Variants in NEBL observed in about 807,000 individuals in gnomAD.
NEBL encodes the protein nebulette, also known as LIM and SH3 protein 2.
Under a neutral mutation model 140.2 loss-of-function variants are expected in NEBL, and 122 were observed. That is an observed-to-expected ratio of 0.87 (90% CI 0.75 to 1.01). NEBL has a LOEUF of 1.01. NEBL is among the 50% of genes least tolerant of loss of function. The pLI, the probability that NEBL is intolerant of heterozygous loss-of-function variation, is 0.00. For synonymous variants in NEBL, 436 were observed against 398.9 expected (o/e 1.09, Z -1.11); for missense variants, 1,365 against 1,231.3 (o/e 1.11, Z -1.62).
intron 1 of NEBL, among the ~76,000 whole-genome samples, chr10:21,275,127 T>G (rs906249873): frequency 6.6e-6 from 1 of 152,130 alleles, no homozygotes; most frequent in Non-Finnish European, 1.5e-5. Flanking sequence ...TCAGATGAGA[T>G]GCCCACCCCA....
intron 2 of NEBL, among the ~76,000 whole-genome samples, chr10:21,043,815 T>A (rs944784360): frequency 6.6e-5 from 10 of 152,232 alleles, no homozygotes; most frequent in African/African-American, 2.2e-4. Flanking sequence ...TGCATCAGAC[T>A]ATGTAACCAT....
chr10:21,208,495 T>C (rs1841865786), intron 3 of NEBL, among the ~76,000 whole-genome samples: 1 of 152,154 alleles, frequency 6.6e-6, no homozygotes, highest in Non-Finnish European at 1.5e-5. Context: ...TTTGTTTCTC[T>C]CCCTCCCTCC....
At chr10:20,875,771 G>A (rs1026892686) in intron 5 of NEBL, among the ~76,000 whole-genome samples, 5 of 151,968 alleles carry the variant, frequency 3.3e-5, no homozygotes, top group African/African-American at 9.7e-5. Flanking sequence ...AAGTCTGCAT[G>A]GGCAGACAGA....
At chr10:21,130,396 A>C (rs1216944282) in intron 2 of NEBL, among the ~76,000 whole-genome samples, 1 of 152,142 alleles carries the variant, frequency 6.6e-6, no homozygotes, top group Non-Finnish European at 1.5e-5. Context: ...AGCATCAATC[A>C]ACAGCATATC....
rs186944026 is a variant in NEBL, at chr10:21,127,747, A to T, written c.164+44636T>A. On this transcript the variant is annotated intron_variant, in intron 2 of 6. Coordinates refer to the NEBL transcript ENST00000417816. Reference sequence around the variant, plus strand: ...TCTGCAACAAATAAAGGGAATTAAAAGGGGGAAAGGAGTGGAAGGGGACTA... The same window carrying T: ...TCTGCAACAAATAAAGGGAATTAAATGGGGGAAAGGAGTGGAAGGGGACTA... Among the ~76,000 whole-genome samples, 343 of 150,736 alleles carry T rather than the reference A, an allele frequency of 2.3e-3. 15 individuals are homozygous for T. The East Asian group carries it at 0.059, about 26-fold the overall frequency.
At chr10:20,905,955 T>G (rs1447175358) in intron 4 of NEBL, among the ~76,000 whole-genome samples, 1 of 152,204 alleles carries the variant, frequency 6.6e-6, no homozygotes, top group East Asian at 1.9e-4. Flanking sequence ...GAAGCAGCAC[T>G]ACCACAGCTT....
chr10:20,832,623 T>C (rs914907647), intron 14 of NEBL, among the ~76,000 whole-genome samples: 2 of 152,230 alleles, frequency 1.3e-5, no homozygotes, highest in Admixed American at 6.5e-5. Flanking sequence ...AAAAAAACTA[T>C]TAACTATAGC....
intron 26 of NEBL, among the ~76,000 whole-genome samples, chr10:20,797,315 T>C (rs571373221): frequency 6.6e-6 from 1 of 152,346 alleles, no homozygotes; most frequent in African/African-American, 2.4e-5. Flanking sequence ...TTTTAAAGAC[T>C]TAAAATGGCA....
chr10:21,045,976 G>A (rs1319210644), intron 2 of NEBL, among the ~76,000 whole-genome samples: 1 of 149,882 alleles, frequency 6.7e-6, no homozygotes. Flanking sequence ...CTAAGTGCCC[G>A]TCGGCAGATG....
intron 2 of NEBL, among the ~76,000 whole-genome samples, chr10:21,050,559 G>A (rs1241463913): frequency 1.3e-5 from 2 of 152,204 alleles, no homozygotes; most frequent in African/African-American, 4.8e-5. Flanking sequence ...GGAGAAGCAT[G>A]AGAACAATGA....
chr10:21,166,079 G>T (rs1365261435), intron 2 of NEBL, among the ~76,000 whole-genome samples: 1 of 151,532 alleles, frequency 6.6e-6, no homozygotes, highest in African/African-American at 2.4e-5. Flanking sequence ...AATTAGCCGG[G>T]CCTGGTGGCG....
At chr10:20,989,761 A>G (rs1837388845) in intron 3 of NEBL, among the ~76,000 whole-genome samples, 1 of 152,212 alleles carries the variant, frequency 6.6e-6, no homozygotes, top group Non-Finnish European at 1.5e-5. Context: ...GGAGGATCAC[A>G]TGCTCAATGA....
At chr10:20,899,647 G>C (rs997007960), upstream of NEBL, 5 of 316,082 alleles carry the variant, frequency 1.6e-5, no homozygotes, top group Admixed American at 2.4e-4. Context: ...GAAAAATTAT[G>C]TGTCTCATTT....
intron 3 of NEBL, among the ~76,000 whole-genome samples, chr10:21,244,660 T>A (rs1175712593): frequency 1.3e-5 from 2 of 150,082 alleles, no homozygotes; most frequent in Non-Finnish European, 3.0e-5. Context: ...CTCAAAAAAA[T>A]AAAATTAAAC....
At chr10:20,905,775 G>C (rs957639697) in intron 4 of NEBL, among the ~76,000 whole-genome samples, 1 of 152,148 alleles carries the variant, frequency 6.6e-6, no homozygotes, top group African/African-American at 2.4e-5. Context: ...AATACAATAG[G>C]ACAGAGATGA....
At chr10:21,066,971 C>CTTTTTTTTT (rs56352671) in intron 2 of NEBL, among the ~76,000 whole-genome samples, 12 of 112,816 alleles carry the variant, frequency 1.1e-4, no homozygotes, top group Non-Finnish European at 1.6e-4. Context: ...AATAATTTAA[C>CTTTTTTTTT]TTTTTTTTTT....
chr10:20,922,782 C>T (rs1164588494), intron 4 of NEBL, among the ~76,000 whole-genome samples: 2 of 152,192 alleles, frequency 1.3e-5, no homozygotes, highest in African/African-American at 2.4e-5. Flanking sequence ...CCTTCCGTTG[C>T]TCCCCTTCCT....
chr10:20,905,524 T>C (rs1486818897), intron 4 of NEBL, among the ~76,000 whole-genome samples: 1 of 152,092 alleles, frequency 6.6e-6, no homozygotes, highest in Non-Finnish European at 1.5e-5. Flanking sequence ...AACAGCAGCA[T>C]GTGGGAAACT....
chr10:21,013,771 G>T (rs761197236), intron 3 of NEBL, among the ~76,000 whole-genome samples: 1 of 152,084 alleles, frequency 6.6e-6, no homozygotes, highest in Admixed American at 6.6e-5. Context: ...CCATCTACTC[G>T]GGAGGCTGAG....
Sources: allele counts gnomAD v4.1 joint callset (sites outside exome capture counted in the v4.1 genomes callset), GRCh38; gene constraint gnomAD v4.1.1; transcripts MANE v1.5; gene names NCBI Gene and HGNC (gene_info 2026-07-23, HGNC 2026-07-21).